LBR: variants seen among roughly 807,000 people sequenced by gnomAD.
LBR encodes the protein delta(14)-sterol reductase LBR.
Under a neutral mutation model 74.3 loss-of-function variants are expected in LBR, and 28 were observed. That is an observed-to-expected ratio of 0.38 (90% CI 0.28 to 0.52). LBR has a LOEUF of 0.52. Among genes scored for constraint, LBR ranks in the 20% least tolerant of loss-of-function variants. LBR has a pLI of 0.89. For synonymous variants in LBR, 228 were observed against 269.3 expected, an observed-to-expected ratio of 0.85 and a Z score of 1.50; for missense variants, 717 against 760.3, an observed-to-expected ratio of 0.94 and a Z score of 0.67.
At chr1:225,419,205 T>C in intron 5 of LBR, 58 bp downstream of exon 5, 4 of 1,542,734 alleles carry the variant, frequency 2.6e-6, no homozygotes, top group Non-Finnish European at 3.6e-6. Context: ...GTTCACCTTG[T>C]GGCAACCACC....
Position 225,402,939 on chromosome 1 carries a change from C to A in LBR, c.*364G>T. 1 of 192,752 alleles carries A rather than the reference C, an allele frequency of 5.2e-6. No individual in the cohort carries two copies. The allele number at this position is 192,752 out of a possible 1,614,324, so 11.9% of individuals were successfully genotyped here. A position where few individuals can be genotyped will look rare whatever the true frequency, so the allele number is the denominator to read the frequency against. On this transcript the variant is annotated 3_prime_UTR_variant, in exon 14 of 14. Coordinates refer to ENST00000272163, the MANE Select transcript of LBR (RefSeq NM_002296.4). Reference sequence around the variant, plus strand: ...GAACAGTGTTTTCATTTAAGAAAAGCCAACTGGCAAAAAAACATCAAAATT... The same window carrying A: ...GAACAGTGTTTTCATTTAAGAAAAGACAACTGGCAAAAAAACATCAAAATT...
intron 3 of LBR, among the ~76,000 whole-genome samples, chr1:225,421,310 G>A (rs1002377884): frequency 6.6e-6 from 1 of 152,200 alleles, no homozygotes; most frequent in Non-Finnish European, 1.5e-5. Context: ...TGGCTAACAC[G>A]GTGAAACCCT....
In LBR at chr1:225,412,703, A is replaced by G; in HGVS notation, c.893-58T>C. On this transcript the variant is annotated intron_variant, in intron 7 of 13. Coordinates refer to ENST00000272163, the MANE Select transcript of LBR (RefSeq NM_002296.4). ...TTAATATTAACCCAAGGCTCACATG[A>G]AACTTACGCCACTATGAAACAATGC... is the stretch of plus-strand genomic sequence containing the variant. 2.1e-6 allele frequency: 3 copies of G among 1,439,734 alleles called. No homozygotes were observed. The South Asian group carries it at 3.8e-5, about 18-fold the overall frequency. 89.2% of individuals were successfully genotyped at this position (1,439,734 alleles called of 1,614,324 possible). A position where few individuals can be genotyped will look rare whatever the true frequency, so the allele number is the denominator to read the frequency against.
intron 4 of LBR, 26 bp from the exon 5 acceptor site, chr1:225,419,478 T>C: frequency 6.6e-7 from 1 of 1,504,954 alleles, no homozygotes; most frequent in Non-Finnish European, 9.2e-7. Context: ...AAAAATTAAA[T>C]ATCTGCAGTG....
At chr1:225,415,095 G>A (rs1321933438) in intron 7 of LBR, among the ~76,000 whole-genome samples, 183 bp downstream of exon 7, 3 of 152,148 alleles carry the variant, frequency 2.0e-5, no homozygotes, top group Non-Finnish European at 4.4e-5. Flanking sequence ...TGACTAAGAG[G>A]CTATGTTACT....
At position 225,423,972 on chromosome 1, in the gene LBR, T is replaced by C; in HGVS notation, c.104A>G (p.Gln35Arg). 5.6e-6 allele frequency: 9 copies of C among 1,613,958 alleles called. No individual in the cohort carries two copies. The highest frequency in any genetic ancestry group is 7.6e-6 in the Non-Finnish European group (9 of 1,179,792). ...VEILSHDSTS[Q>R]LYTVKYKDGT... is the part of the protein sequence containing the mutation. ...ATCTTTATACTTCACAGTGTAAAGC[T>C]GGGAGGTGCTGTCGTGGCTCAGAAT... Residue 35 changes from glutamine to arginine, a missense_variant, in exon 2 of 14, where the codon CAG becomes CGG. Physicochemically the swap from Gln to Arg is conservative, Grantham distance 43. Transcript: ENST00000272163.
chr1:225,427,864 G>C lies in LBR; in HGVS notation c.-15+90C>G, dbSNP rs4653636. Reference sequence around the variant, plus strand: ...CGCGCCCAGGGTCCCCGGCCCGGCCGCTGCGCCGGCCTCGGGCTTCCTCCC... The same window carrying C: ...CGCGCCCAGGGTCCCCGGCCCGGCCCCTGCGCCGGCCTCGGGCTTCCTCCC... On this transcript the variant is annotated intron_variant, in intron 1 of 13. Coordinates refer to ENST00000272163, the MANE Select transcript of LBR (RefSeq NM_002296.4). 112,857 of 152,126 alleles carry C rather than the reference G, an allele frequency of 0.74. 42,329 individuals carry two copies. The highest frequency in any genetic ancestry group is 0.8 in the Admixed American group (12,254 of 15,288). 9.4% of individuals were successfully genotyped at this position (152,126 alleles called of 1,614,324 possible).
At chr1:225,409,069 TAC>T (rs2096098753) in intron 10 of LBR, among the ~76,000 whole-genome samples, 2 of 152,264 alleles carry the variant, frequency 1.3e-5, no homozygotes, top group South Asian at 4.1e-4. Flanking sequence ...CAAACAAAGC[TAC>T]ACTGGTAACA....
chr1:225,403,027 T>C lies in LBR; in HGVS notation c.*276A>G. The C allele has an allele frequency of 4.6e-6, 2 of 435,052 alleles. No homozygotes were observed. Among genetic ancestry groups the C allele is most frequent in the Non-Finnish European group, 8.4e-6 (2 of 239,346 alleles). The allele number at this position is 435,052 out of a possible 1,614,324, so 26.9% of individuals were successfully genotyped here. The stretch of plus-strand genomic sequence containing the variant: ...CTTCACAGTACATTTATATTAAGAC[T>C]GTCTTCTGTTTTCAGATTAAGGGTT... On this transcript the variant is annotated 3_prime_UTR_variant, in exon 14 of 14. Transcript: ENST00000272163.
At chr1:225,413,833 G>T (rs760941566) in intron 7 of LBR, 19 of 384,122 alleles carry the variant, frequency 4.9e-5, no homozygotes, top group South Asian at 3.6e-4. Context: ...AAAGGATCAA[G>T]CAACTTGGCC....
At chr1:225,422,316 T>C in intron 2 of LBR, 39 bp from the exon 3 acceptor site, 1 of 1,519,996 alleles carries the variant, frequency 6.6e-7, no homozygotes, top group South Asian at 1.1e-5. Context: ...TTACCACAAA[T>C]CATAACACAT....
chr1:225,418,117 T>C lies in LBR; in HGVS notation c.704A>G (p.Gln235Arg), dbSNP rs746399322. Residue 235 changes from glutamine to arginine, a missense_variant, in exon 6 of 14, where the codon CAG becomes CGG. By Grantham distance (43) the Gln-to-Arg change is conservative (BLOSUM62 1). Coordinates refer to ENST00000272163, the MANE Select transcript of LBR (RefSeq NM_002296.4). The stretch of plus-strand genomic sequence containing the variant: ...GAAATTCAGAAGACTGGGATCTTTC[T>C]GTTTACACATCAACAGCAACAGGAA... ...FLFLLLLMCK[Q>R]KDPSLLNFPP... The C allele has an allele frequency of 2.5e-5, 40 of 1,614,100 alleles. No homozygotes were observed. Among genetic ancestry groups the C allele is most frequent in the South Asian group, 7.7e-5 (7 of 91,086 alleles).
chr1:225,420,170 C>A (rs1352900862), intron 3 of LBR, among the ~76,000 whole-genome samples: 1 of 152,118 alleles, frequency 6.6e-6, no homozygotes, highest in African/African-American at 2.4e-5. Context: ...ATTAGCCACG[C>A]ACGGTAGCGG....
intron 13 of LBR, among the ~76,000 whole-genome samples, chr1:225,403,918 C>T (rs1435755472): frequency 2.1e-5 from 3 of 140,112 alleles, no homozygotes; most frequent in Non-Finnish European, 4.7e-5. Context: ...CCCCCAGTTC[C>T]CCCAGCTCCC....
At chr1:225,420,192 T>G (rs1009940153) in intron 3 of LBR, among the ~76,000 whole-genome samples, 3 of 151,464 alleles carry the variant, frequency 2.0e-5, no homozygotes, top group Non-Finnish European at 4.4e-5. Context: ...CACCTGTAAT[T>G]CCAGCTACTT....
At chr1:225,410,912 G>A (rs2096103847) in intron 9 of LBR, among the ~76,000 whole-genome samples, 1 of 152,206 alleles carries the variant, frequency 6.6e-6, no homozygotes, top group South Asian at 2.1e-4. Flanking sequence ...TTAATCTGCT[G>A]TTCTTCATCA....
rs2096092426 is a variant in LBR, at chr1:225,406,699, G to A, written c.1448C>T (p.Ser483Phe). ...FYLVSHPNEV[S>F]WPMASLIIVL... Reference sequence around the variant, plus strand: ...AATAATTAGAGAAGCCATTGGCCAAGACACTTCATTTGGATGACTGACTAA... The same window carrying A: ...AATAATTAGAGAAGCCATTGGCCAAAACACTTCATTTGGATGACTGACTAA... The change falls in exon 11 of 14, where the codon TCT becomes TTT. Residue 483 changes from serine to phenylalanine, a missense_variant. Ser to Phe is a radical substitution (Grantham distance 155). Transcript: ENST00000272163. 1 of 1,613,718 alleles carries A rather than the reference G, an allele frequency of 6.2e-7. No individual in the cohort carries two copies. Among genetic ancestry groups the A allele is most frequent in the Non-Finnish European group, 8.5e-7 (1 of 1,179,922 alleles).
chr1:225,414,009 G>A (rs780757921), intron 7 of LBR: 10 of 456,708 alleles, frequency 2.2e-5, no homozygotes, highest in Admixed American at 4.7e-5. Flanking sequence ...AGGACCTGGC[G>A]GCAAAGTCAA....
chr1:225,424,790 T>TA (rs2096135979), intron 1 of LBR, among the ~76,000 whole-genome samples: 3 of 152,170 alleles, frequency 2.0e-5, no homozygotes, highest in African/African-American at 7.2e-5. Context: ...AGCCCCACAA[T>TA]ACTCTAGGAA....
Sources: gnomAD v4.1 joint callset for allele counts (sites outside exome capture counted in the v4.1 genomes callset) on GRCh38, gnomAD v4.1.1 for gene constraint, MANE v1.5 for transcripts, NCBI Gene and HGNC (gene_info 2026-07-23, HGNC 2026-07-21) for gene names.